Variants in CYP2W1 observed in about 807,000 individuals in gnomAD.
CYP2W1 encodes the protein cytochrome P450 2W1.
In CYP2W1, 51 loss-of-function variants were observed where a neutral mutation model predicts 44.9. The ratio of observed to expected loss-of-function variants is 1.14; its 90% CI spans 0.91 to 1.43. The LOEUF is 1.43. CYP2W1 is among the 40% of genes most tolerant of loss of function. CYP2W1 has a pLI of 0.00. For missense variants in CYP2W1, 746 were observed against 700.0 expected (o/e 1.07, Z -0.74); for synonymous variants, 383 against 338.3 (o/e 1.13, Z -1.45).
rs201612311 is a variant in CYP2W1, at chr7:987,514, G to C, written c.1126G>C (p.Gly376Arg). 5 of 1,530,206 alleles carry C rather than the reference G, an allele frequency of 3.3e-6. No individual in the cohort carries two copies. The South Asian group carries it at 5.9e-5, about 18-fold the overall frequency. 94.8% of individuals were successfully genotyped at this position (1,530,206 alleles called of 1,614,324 possible). A position where few individuals can be genotyped will look rare whatever the true frequency, so the allele number is the denominator to read the frequency against. ...RCTAADTQLG[G>R]FLLPKGTPVI... ...CACCGCGGCCGACACACAGCTGGGC[G>C]GCTTCCTGCTCCCCAAGGTGGGGCT... Residue 376 changes from glycine (G) to arginine (R), a missense_variant, in exon 7 of 9, where the codon GGC becomes CGC. Physicochemically the swap from Gly to Arg is moderately radical, Grantham distance 125. Transcript: ENST00000308919.
chr7:983,276 C>T lies in CYP2W1; in HGVS notation c.65C>T (p.Ala22Val). ...CTCTGGGGGCTGCTCTGCGCCTGCG[C>T]CCAAGACCCCTCCCCAGCTGCCCGG... The part of the protein sequence containing the change: ...LGLWGLLCAC[A>V]QDPSPAARWP... The change falls in exon 1 of 9, where the codon GCC (alanine) becomes GTC (valine). Residue 22 changes from alanine to valine, a missense_variant. By Grantham distance (64) the Ala-to-Val change is moderately conservative. Coordinates refer to ENST00000308919, the MANE Select transcript of CYP2W1 (RefSeq NM_017781.3). The T allele has an allele frequency of 1.3e-6, 2 of 1,544,536 alleles. No homozygotes were observed. Among genetic ancestry groups the T allele is most frequent in the Non-Finnish European group, 1.7e-6 (2 of 1,145,500 alleles).
At chr7:986,027 G>A (rs1323045937) in intron 4 of CYP2W1, among the ~76,000 whole-genome samples, 1 of 152,194 alleles carries the variant, frequency 6.6e-6, no homozygotes, top group Non-Finnish European at 1.5e-5. Context: ...CCACCTGGAA[G>A]ATGGAGGCTG....
rs543747731 is a variant in CYP2W1 at position 988,506 on chromosome 7, C to T, written c.1285+88C>T. On this transcript the variant is annotated intron_variant, in intron 8 of 8. Coordinates refer to ENST00000308919, the MANE Select transcript of CYP2W1 (RefSeq NM_017781.3). ...CAGCTCCGCCTGCCGCCTCTGCACCCACCTCCTGATCTCAGGTTCTGAAGG... is the reference window on the plus strand; with the variant it reads ...CAGCTCCGCCTGCCGCCTCTGCACCTACCTCCTGATCTCAGGTTCTGAAGG... 61 of 1,600,040 alleles carry T rather than the reference C, an allele frequency of 3.8e-5. No individual in the cohort carries two copies. The African/African-American group carries it at 7.3e-4, about 19-fold the overall frequency.
Position 988,796 on chromosome 7 carries a change from G to A in CYP2W1, c.1447G>A (p.Ala483Thr), listed in dbSNP as rs760951935. ...TTTTACCATGAGGCCGAGGGCCCAGGCCCTGTGTGCGGTGCCCAGGCCCTA... is the reference window on the plus strand; with the variant it reads ...TTTTACCATGAGGCCGAGGGCCCAGACCCTGTGTGCGGTGCCCAGGCCCTA... ...RAFTMRPRAQ[A>T]LCAVPRP Residue 483 changes from alanine to threonine, a missense_variant, in exon 9 of 9, where the codon GCC (alanine) becomes ACC (threonine). Coordinates refer to ENST00000308919, the MANE Select transcript of CYP2W1 (RefSeq NM_017781.3). 6.3e-7 allele frequency: 1 copy of A among 1,590,558 alleles called. No individual in the cohort carries two copies. Among genetic ancestry groups the A allele is most frequent in the South Asian group, 1.1e-5 (1 of 89,986 alleles).
Position 985,189 on chromosome 7 carries a change from C to G in CYP2W1, c.511C>G (p.Leu171Val), listed in dbSNP as rs1381262504. ...AGGCCGGCCCTTCCCGCTGGCCCTA[C>G]TGGGCTGGGCTCCCTCCAATATCAC... ...YRGRPFPLAL[L>V]GWAPSNITFA... Residue 171 changes from leucine (L) to valine (V), a missense_variant, in exon 4 of 9, where the codon CTG (leucine) becomes GTG (valine). By Grantham distance (32) the Leu-to-Val change is conservative. Coordinates refer to ENST00000308919, the MANE Select transcript of CYP2W1 (RefSeq NM_017781.3). The G allele has an allele frequency of 3.2e-6, 5 of 1,569,084 alleles. No individual in the cohort carries two copies. Among genetic ancestry groups the G allele is most frequent in the South Asian group, 1.2e-5 (1 of 86,340 alleles).
chr7:987,978 GGGGGGGTCCCCTCTGTGTGTCCT>G (rs144248265), intron 7 of CYP2W1, among the ~76,000 whole-genome samples: 25,607 of 88,570 alleles, frequency 0.29, 2,673 homozygotes, highest in East Asian at 0.42. Context: ...TGTGTGTCCT[GGGGGGGTCCCCTCTGTGTGTCCT>G]GGGGGGTCCC....
chr7:983,613 C>G (rs1449082576), intron 1 of CYP2W1, among the ~76,000 whole-genome samples: 1 of 152,218 alleles, frequency 6.6e-6, no homozygotes, highest in Admixed American at 6.5e-5. Flanking sequence ...AGGTGCCACC[C>G]AGGGCCCGGC....
Position 984,970 on chromosome 7 carries a change from G to A in CYP2W1, c.358G>A (p.Ala120Thr), listed in dbSNP as rs776825168. The change falls in exon 3 of 9, where the codon GCG becomes ACG. Residue 120 changes from alanine (A) to threonine (T), a missense_variant. By Grantham distance (58) the Ala-to-Thr change is moderately conservative (BLOSUM62 0). Transcript: ENST00000308919. ...TACAGGCATCTTCTTCTCATCTGGG[G>A]CGCGCTGGAGGGCTGCCCGCCAGTT... Reference protein sequence around the residue: ...RGGGIFFSSGARWRAARQFTV... With the variant: ...RGGGIFFSSGTRWRAARQFTV... 1.4e-5 allele frequency: 22 copies of A among 1,605,562 alleles called. No individual in the cohort carries two copies. The South Asian group carries it at 2.1e-4, about 15-fold the overall frequency.
rs1848582013 is a variant in CYP2W1, at chr7:988,622, A to C, written c.1286-13A>C. The C allele has an allele frequency of 1.2e-6, 2 of 1,603,164 alleles. No homozygotes were observed. The highest frequency in any genetic ancestry group is 1.7e-5 in the Admixed American group (1 of 59,854). ...CTGGTGCAGCCCACTCTGTGCCTGG[A>C]CATCCCCCGCAGGCCGCCGCGTCTG... On this transcript the variant is annotated splice_polypyrimidine_tract_variant and intron_variant, in intron 8 of 8. Transcript: ENST00000308919.
At chr7:984,273 G>A in intron 1 of CYP2W1, 139 bp from the exon 2 acceptor site, 1 of 1,156,302 alleles carries the variant, frequency 8.6e-7, no homozygotes, top group African/African-American at 1.6e-5. Context: ...CTGGCTTTAT[G>A]GCATCTAGGC....
Position 985,281 on chromosome 7 carries a change from C to T in CYP2W1, c.603C>T (p.Leu201=). 6.4e-7 allele frequency: 1 copy of T among 1,551,748 alleles called. No homozygotes were observed. The highest frequency in any genetic ancestry group is 8.7e-7 in the Non-Finnish European group (1 of 1,147,428). Residue 201 remains leucine (L), a synonymous_variant, in exon 4 of 9, where the codon CTC becomes CTT. Coordinates refer to ENST00000308919, the MANE Select transcript of CYP2W1 (RefSeq NM_017781.3). ...RDPVFVSLLG[L]IDEVMVLLGS... is the part of the protein sequence containing the mutation. ...CCGTGTTTGTGTCCCTGCTGGGTCTCATCGATGAGGTCATGGTCCTCTTGG... is the reference window on the plus strand; with the variant it reads ...CCGTGTTTGTGTCCCTGCTGGGTCTTATCGATGAGGTCATGGTCCTCTTGG...
At position 986,628 on chromosome 7, in the gene CYP2W1, TCAA is replaced by T. The variant is rs1848370083; in HGVS notation, c.652_654del (p.Asn218del). ...CTCCTCCTGCCTCCTGCCCAGCTGT[TCAA>T]CGTCTACCCATGGCTCGGGGCCCTG... On this transcript the variant is annotated inframe_deletion, in exon 5 of 9. Coordinates refer to ENST00000308919, the MANE Select transcript of CYP2W1 (RefSeq NM_017781.3). 1.2e-6 allele frequency: 2 copies of T among 1,612,610 alleles called. No homozygotes were observed. The highest frequency in any genetic ancestry group is 1.7e-6 in the Non-Finnish European group (2 of 1,179,830).
intron 7 of CYP2W1, 33 bp downstream of exon 7, chr7:987,564 C>T: frequency 6.7e-7 from 1 of 1,481,916 alleles, no homozygotes; most frequent in South Asian, 1.3e-5. Context: ...CCTTCCATCT[C>T]CTCTGGGGTA....
At chr7:983,714 AG>A (rs1420685131) in intron 1 of CYP2W1, among the ~76,000 whole-genome samples, 1 of 152,184 alleles carries the variant, frequency 6.6e-6, no homozygotes, top group African/African-American at 2.4e-5. Flanking sequence ...AGAGGGGAGG[AG>A]GGCCTGGGCC....
intron 8 of CYP2W1, 22 bp downstream of exon 8, chr7:988,440 G>T: frequency 6.2e-7 from 1 of 1,611,820 alleles, no homozygotes; most frequent in Non-Finnish European, 8.5e-7. Context: ...TCGGGGCCGG[G>T]GTGGGGCGGC....
At chr7:985,843 G>A (rs919210487) in intron 4 of CYP2W1, among the ~76,000 whole-genome samples, 11 of 152,198 alleles carry the variant, frequency 7.2e-5, no homozygotes, top group Admixed American at 6.5e-4. Context: ...CCTGCATCAC[G>A]GCTGGACCCA....
rs770999220 is a variant in CYP2W1, at chr7:987,110, G to T, written c.823G>T (p.Asp275Tyr). Residue 275 changes from aspartate to tyrosine, a missense_variant, in exon 6 of 9, where the codon GAT (aspartate) becomes TAT (tyrosine). Physicochemically the swap from Asp to Tyr is radical, Grantham distance 160. Coordinates refer to ENST00000308919, the MANE Select transcript of CYP2W1 (RefSeq NM_017781.3). ...VDALIQQGQGDDPEGLFAEAN... is the reference protein window; with the variant it reads ...VDALIQQGQGYDPEGLFAEAN... Reference sequence around the variant, plus strand: ...GCCCTGCCCCACGCCTCTGCAGGGGGATGACCCCGAGGGCCTGTTTGCTGA... The same window carrying T: ...GCCCTGCCCCACGCCTCTGCAGGGGTATGACCCCGAGGGCCTGTTTGCTGA... The T allele has an allele frequency of 1.3e-6, 2 of 1,547,238 alleles. No homozygotes were observed. The highest frequency in any genetic ancestry group is 8.7e-7 in the Non-Finnish European group (1 of 1,144,480).
intron 5 of CYP2W1, 107 bp from the exon 6 acceptor site, chr7:987,000 G>A: frequency 2.1e-6 from 3 of 1,398,614 alleles, no homozygotes; most frequent in Non-Finnish European, 2.8e-6. Context: ...GGATGGCTGA[G>A]CCCAGATCAC....
intron 7 of CYP2W1, 80 bp downstream of exon 7, chr7:987,611 A>C: frequency 7.5e-7 from 1 of 1,338,866 alleles, no homozygotes; most frequent in Non-Finnish European, 9.9e-7. Context: ...GGGACGGCTG[A>C]GCGTCTGGTG....
Sources: allele counts gnomAD v4.1 joint callset (sites outside exome capture counted in the v4.1 genomes callset), GRCh38; gene constraint gnomAD v4.1.1; transcripts MANE v1.5; gene names NCBI Gene and HGNC (gene_info 2026-07-23, HGNC 2026-07-21).